Variants in CNTNAP2 observed in about 807,000 individuals in gnomAD.
The protein encoded by CNTNAP2 is contactin-associated protein-like 2.
A neutral mutation model predicts 155.2 loss-of-function variants in CNTNAP2; 98 were observed. The observed-to-expected ratio is 0.63, with a 90% CI of 0.54 to 0.75. The LOEUF (loss-of-function observed/expected upper bound fraction) is 0.75, where lower values mean the gene tolerates loss of function less well. Ranked by LOEUF, CNTNAP2 falls within the 30% of genes least tolerant of loss-of-function variation. CNTNAP2 has a pLI of 0.00. For missense variants in CNTNAP2, 1,727 were observed against 1,688.1 expected, an observed-to-expected ratio of 1.02 and a Z score of -0.40; for synonymous variants, 651 against 631.2, an observed-to-expected ratio of 1.03 and a Z score of -0.47.
intron 1 of CNTNAP2, among the ~76,000 whole-genome samples, chr7:146,739,731 A>G (rs1319002727): frequency 6.6e-6 from 1 of 152,072 alleles, no homozygotes; most frequent in Non-Finnish European, 1.5e-5. Context: ...CCATTGCTGT[A>G]AATGGGTTGT....
chr7:147,409,819 C>T (rs976535169), intron 10 of CNTNAP2, among the ~76,000 whole-genome samples: 2 of 151,194 alleles, frequency 1.3e-5, no homozygotes, highest in South Asian at 2.1e-4. Context: ...CATCACTGAT[C>T]ATTAGAGAAA....
At chr7:148,183,237 C>T (rs764044810) in intron 18 of CNTNAP2, among the ~76,000 whole-genome samples, 3 of 152,158 alleles carry the variant, frequency 2.0e-5, no homozygotes, top group African/African-American at 2.4e-5. Flanking sequence ...TGGATACCCA[C>T]GCTGAAGGTT....
At chr7:146,919,256 A>T (rs1796452002) in intron 3 of CNTNAP2, among the ~76,000 whole-genome samples, 2 of 152,076 alleles carry the variant, frequency 1.3e-5, no homozygotes, top group Non-Finnish European at 2.9e-5. Context: ...TGTTAAAGAA[A>T]CTTGTTTTTG....
At chr7:147,623,321 T>G (rs1376357741) in intron 12 of CNTNAP2, among the ~76,000 whole-genome samples, 1 of 152,114 alleles carries the variant, frequency 6.6e-6, no homozygotes, top group East Asian at 1.9e-4. Context: ...ATATTATCCT[T>G]GTTTGCAGAT....
rs386411606 is a variant in CNTNAP2 at position 147,950,364 on chromosome 7, C to CAAAAAAAAAAAAAAA, written c.2256-27483_2256-27469dup. On this transcript the variant is annotated intron_variant, in intron 14 of 23. Coordinates refer to ENST00000361727, the MANE Select transcript of CNTNAP2 (RefSeq NM_014141.6). ...AGCTTAAGCTATACACATAGAGAGG[C>CAAAAAAAAAAAAAAA]AAAAAAAAAAAAAAAAAAAAAAAAA... Among the ~76,000 whole-genome samples, 20 of 55,782 alleles carry CAAAAAAAAAAAAAAA rather than the reference C, an allele frequency of 3.6e-4. 2 individuals are homozygous for CAAAAAAAAAAAAAAA. Among genetic ancestry groups the CAAAAAAAAAAAAAAA allele is most frequent in the East Asian group, 9.6e-4 (1 of 1,040 alleles). 36.6% of individuals were successfully genotyped at this position (55,782 alleles called of 152,430 possible).
At position 147,069,586 on chromosome 7, in the gene CNTNAP2, G is replaced by T. The variant is rs190203880; in HGVS notation, c.550+25532G>T. ...GGACAGTAAGAAAGCAGTTGGTAGG[G>T]GAGGGAAGAGGTCACATAAATAATG... is the stretch of plus-strand genomic sequence containing the variant. On this transcript the variant is annotated intron_variant, in intron 4 of 23. Transcript: ENST00000361727. Among the ~76,000 whole-genome samples the T allele has an allele frequency of 3.1e-3, 479 of 152,268 alleles. 3 individuals are homozygous for T. The highest frequency in any genetic ancestry group is 0.01 in the Middle Eastern group (3 of 294).
chr7:146,483,326 T>TATATATATATATAC lies in CNTNAP2; in HGVS notation c.98-290942_98-290941insTATATATATACATA, dbSNP rs1554439604. On this transcript the variant is annotated intron_variant, in intron 1 of 23. Transcript: ENST00000361727. ...ATATATATATATATATATATATATATATACATATATATATATTTAAGCACA... is the reference window on the plus strand; with the variant it reads ...ATATATATATATATATATATATATATATATATATATATACATACATATATATATATTTAAGCACA... Among the ~76,000 whole-genome samples the TATATATATATATAC allele has an allele frequency of 9.5e-4, 75 of 79,216 alleles. 2 individuals carry two copies. Among genetic ancestry groups the TATATATATATATAC allele is most frequent in the Non-Finnish European group, 1.2e-3 (50 of 42,764 alleles). The allele number at this position is 79,216 out of a possible 152,430, so 52.0% of individuals were successfully genotyped here.
chr7:146,932,961 T>C (rs1796811354), intron 3 of CNTNAP2, among the ~76,000 whole-genome samples: 1 of 152,102 alleles, frequency 6.6e-6, no homozygotes. Flanking sequence ...TGGAAGAACA[T>C]TCCATGCTCA....
rs1478186398 is a variant in CNTNAP2, at chr7:147,313,366, G to A, written c.1498+13076G>A. 2.0e-5 allele frequency among the ~76,000 whole-genome samples: 3 copies of A among 150,580 alleles called. No homozygotes were observed. In the South Asian group the frequency reaches 6.4e-4, roughly 32 times the overall value. On this transcript the variant is annotated intron_variant, in intron 9 of 23. Coordinates refer to ENST00000361727, the MANE Select transcript of CNTNAP2 (RefSeq NM_014141.6). ...CCTATGTCCTGAATGGTAATGCCTA[G>A]GTTTTCTTCTAGGGTTTTTATGGTT...
chr7:147,389,103 GCTGTTTTC>G (rs1208209153), intron 9 of CNTNAP2, among the ~76,000 whole-genome samples: 5 of 152,102 alleles, frequency 3.3e-5, no homozygotes, highest in African/African-American at 1.2e-4. Flanking sequence ...TTTTTATGAG[GCTGTTTTC>G]CTGCCCCTGC....
chr7:147,392,328 A>G (rs1796733841), intron 9 of CNTNAP2, among the ~76,000 whole-genome samples: 1 of 149,846 alleles, frequency 6.7e-6, no homozygotes, highest in Non-Finnish European at 1.5e-5. Context: ...TTTTTTTGGT[A>G]CTAAAGTATT....
In CNTNAP2 at chr7:147,390,755, G is replaced by A. The variant is rs118015954; in HGVS notation, c.1499-4854G>A. Among the ~76,000 whole-genome samples, 24 of 152,122 alleles carry A rather than the reference G, an allele frequency of 1.6e-4. No individual in the cohort carries two copies. The East Asian group carries it at 2.1e-3, about 13-fold the overall frequency. ...ACTACTGCAACATTCTGTGTCACAC[G>A]GAGCAGCACTGATTGTGTGGGAGGG... On this transcript the variant is annotated intron_variant, in intron 9 of 23. Transcript: ENST00000361727.
At chr7:147,520,025 C>A (rs1444196702) in intron 11 of CNTNAP2, among the ~76,000 whole-genome samples, 1 of 152,150 alleles carries the variant, frequency 6.6e-6, no homozygotes, top group Admixed American at 6.5e-5. Flanking sequence ...GATATATAAA[C>A]TTTCAAGGAG....
intron 9 of CNTNAP2, among the ~76,000 whole-genome samples, chr7:147,337,610 A>AG (rs757630737): frequency 5.9e-5 from 9 of 152,164 alleles, no homozygotes; most frequent in Non-Finnish European, 1.0e-4. Flanking sequence ...GTAGTCATGA[A>AG]AAGGAGTGAT....
At chr7:147,981,847 T>G (rs1229022934) in intron 15 of CNTNAP2, among the ~76,000 whole-genome samples, 1 of 151,510 alleles carries the variant, frequency 6.6e-6, no homozygotes, top group Non-Finnish European at 1.5e-5. Context: ...CTTTCTTTTT[T>G]GCAAAGCCTA....
At chr7:147,905,291 A>C (rs914666293) in intron 14 of CNTNAP2, among the ~76,000 whole-genome samples, 2 of 152,180 alleles carry the variant, frequency 1.3e-5, no homozygotes, top group African/African-American at 4.8e-5. Flanking sequence ...AGAAGTGGGA[A>C]CAGAGCCCCA....
chr7:146,437,520 T>C (rs948040637), intron 1 of CNTNAP2, among the ~76,000 whole-genome samples: 1 of 151,504 alleles, frequency 6.6e-6, no homozygotes, highest in Non-Finnish European at 1.5e-5. Flanking sequence ...CTCGCATTCA[T>C]ACAAAAATAT....
chr7:146,375,686 C>A (rs981465024), intron 1 of CNTNAP2, among the ~76,000 whole-genome samples: 1 of 152,086 alleles, frequency 6.6e-6, no homozygotes, highest in Non-Finnish European at 1.5e-5. Context: ...AAAAGGCAAC[C>A]AAACAATGAA....
At chr7:147,607,538 G>A (rs1584851080) in intron 12 of CNTNAP2, among the ~76,000 whole-genome samples, 1 of 152,160 alleles carries the variant, frequency 6.6e-6, no homozygotes, top group Non-Finnish European at 1.5e-5. Flanking sequence ...TCAAGGGAAA[G>A]TCACATATAA....
Sources: gnomAD v4.1 joint callset for allele counts (sites outside exome capture counted in the v4.1 genomes callset) on GRCh38, gnomAD v4.1.1 for gene constraint, MANE v1.5 for transcripts, NCBI Gene and HGNC (gene_info 2026-07-23, HGNC 2026-07-21) for gene names.